SLC24A2: variants seen among roughly 807,000 people sequenced by gnomAD.
SLC24A2 encodes sodium/potassium/calcium exchanger 2.
A neutral mutation model predicts 62.0 loss-of-function variants in SLC24A2; 36 were observed. The ratio of observed to expected loss-of-function variants is 0.58; its 90% confidence interval spans 0.44 to 0.77. The LOEUF is 0.77. SLC24A2 is among the 30% of genes least tolerant of loss of function. The pLI is 0.00. For missense variants in SLC24A2, 846 were observed against 817.9 expected (o/e 1.03, Z -0.42); for synonymous variants, 358 against 294.0 (o/e 1.22, Z -2.23).
At position 19,627,696 on chromosome 9, in the gene SLC24A2, C is replaced by T. The variant is rs1818070171; in HGVS notation, c.931-5397G>A. On this transcript the variant is annotated intron_variant, in intron 2 of 10. Coordinates refer to ENST00000341998, the MANE Select transcript of SLC24A2 (RefSeq NM_020344.4). ...AAGCACTATGATGCCCAGATAATTA[C>T]GAAAAAAAAATTCTTTTATAGAGGC... Among the ~76,000 whole-genome samples, 5 of 151,638 alleles carry T rather than the reference C, an allele frequency of 3.3e-5. No homozygotes were observed. The South Asian group carries it at 8.3e-4, about 25-fold the overall frequency.
chr9:19,819,401 G>A, the SLC24A2 span, among the ~76,000 whole-genome samples: 1 of 152,138 alleles, frequency 6.6e-6, no homozygotes, highest in African/African-American at 2.4e-5. Context: ...AGTCAGTAGA[G>A]TAAACAGACA....
chr9:19,520,766 A>T, intron 10 of SLC24A2, 128 bp downstream of exon 10: 1 of 845,216 alleles, frequency 1.2e-6, no homozygotes, highest in Non-Finnish European at 2.0e-6. Flanking sequence ...TGGTATTCTC[A>T]ATCTTTACTC....
intron 9 of SLC24A2, among the ~76,000 whole-genome samples, chr9:19,526,495 C>G (rs1833452683): frequency 6.6e-6 from 1 of 152,168 alleles, no homozygotes; most frequent in Non-Finnish European, 1.5e-5. Context: ...AATTTCTATA[C>G]ATCCTCATCA....
At chr9:19,576,471 G>C (rs1374144962) in intron 6 of SLC24A2, among the ~76,000 whole-genome samples, 1 of 152,180 alleles carries the variant, frequency 6.6e-6, no homozygotes, top group Admixed American at 6.5e-5. Flanking sequence ...GAGTGACCAA[G>C]TGTGTGCCAT....
At chr9:19,915,548 A>G in the SLC24A2 span, among the ~76,000 whole-genome samples, 1 of 152,156 alleles carries the variant, frequency 6.6e-6, no homozygotes, top group Non-Finnish European at 1.5e-5. Context: ...TATTCCCACC[A>G]GCAATATATT....
the SLC24A2 span, among the ~76,000 whole-genome samples, chr9:19,858,386 T>G: frequency 0.011 from 1,605 of 152,208 alleles, 14 homozygotes; most frequent in Middle Eastern, 0.031. Flanking sequence ...ATATAAAACT[T>G]AAAGCTCTAA....
the SLC24A2 span, among the ~76,000 whole-genome samples, chr9:20,140,280 CAGAG>C: frequency 6.6e-6 from 1 of 152,172 alleles, no homozygotes; most frequent in Non-Finnish European, 1.5e-5. Context: ...GATCTGTACA[CAGAG>C]AGAGTGGAAT....
chr9:19,609,335 C>A (rs1312598945), intron 4 of SLC24A2, among the ~76,000 whole-genome samples: 1 of 152,234 alleles, frequency 6.6e-6, no homozygotes, highest in East Asian at 1.9e-4. Flanking sequence ...GGTGCTTATA[C>A]CCTATGGCAG....
At chr9:20,230,247 C>T in the SLC24A2 span, among the ~76,000 whole-genome samples, 1 of 152,128 alleles carries the variant, frequency 6.6e-6, no homozygotes, top group East Asian at 1.9e-4. Context: ...GGGTATATAC[C>T]CAGTAATGGG....
chr9:19,897,213 CT>C, the SLC24A2 span, among the ~76,000 whole-genome samples: 1 of 152,158 alleles, frequency 6.6e-6, no homozygotes, highest in Non-Finnish European at 1.5e-5. Context: ...TCTTATCTAC[CT>C]TTTTGCTTTC....
chr9:20,043,788 G>A, the SLC24A2 span, among the ~76,000 whole-genome samples: 1 of 152,216 alleles, frequency 6.6e-6, no homozygotes, highest in Non-Finnish European at 1.5e-5. Context: ...TTCTGATGAA[G>A]TTGCTGTGTT....
At chr9:20,081,445 A>G in the SLC24A2 span, among the ~76,000 whole-genome samples, 1 of 125,358 alleles carries the variant, frequency 8.0e-6, no homozygotes, top group East Asian at 2.6e-4. Context: ...ACTTGGGCAC[A>G]GGAAGGGGAA....
chr9:20,084,349 C>T, the SLC24A2 span, among the ~76,000 whole-genome samples: 94 of 152,328 alleles, frequency 6.2e-4, 1 homozygote, highest in East Asian at 0.016. Context: ...TTCCCCACTC[C>T]AGGTTCAACG....
chr9:19,722,206 A>G (rs568398204), intron 2 of SLC24A2, among the ~76,000 whole-genome samples: 2 of 152,296 alleles, frequency 1.3e-5, no homozygotes, highest in African/African-American at 4.8e-5. Context: ...CCTTAGGTGA[A>G]AAAACCTGGA....
chr9:19,686,801 T>C (rs1405319678), intron 2 of SLC24A2, among the ~76,000 whole-genome samples: 1 of 152,160 alleles, frequency 6.6e-6, no homozygotes, highest in African/African-American at 2.4e-5. Flanking sequence ...TATGTCTTTA[T>C]TGGCAGCATG....
the SLC24A2 span, among the ~76,000 whole-genome samples, chr9:19,974,489 T>G: frequency 6.6e-6 from 1 of 152,212 alleles, no homozygotes; most frequent in Admixed American, 6.6e-5. Flanking sequence ...GCTTTTGCCT[T>G]TAACCATTTC....
the SLC24A2 span, among the ~76,000 whole-genome samples, chr9:19,877,599 C>T: frequency 6.6e-6 from 1 of 151,464 alleles, no homozygotes; most frequent in Non-Finnish European, 1.5e-5. Flanking sequence ...TCTGAGATGG[C>T]CAGAAGTGAC....
the SLC24A2 span, among the ~76,000 whole-genome samples, chr9:20,118,258 G>C: frequency 3.9e-5 from 6 of 152,110 alleles, no homozygotes; most frequent in African/African-American, 1.4e-4. Flanking sequence ...GCCACTACCA[G>C]TATGTACCTT....
the SLC24A2 span, among the ~76,000 whole-genome samples, chr9:20,149,591 A>T: frequency 3.7e-4 from 56 of 152,208 alleles, no homozygotes; most frequent in African/African-American, 1.3e-3. Flanking sequence ...GTTACAGGTA[A>T]TATATAAACA....
Sources: allele counts gnomAD v4.1 joint callset (sites outside exome capture counted in the v4.1 genomes callset), GRCh38; gene constraint gnomAD v4.1.1; transcripts MANE v1.5; gene names NCBI Gene and HGNC (gene_info 2026-07-23, HGNC 2026-07-21).